Variants in RBMS3 observed in about 807,000 individuals in gnomAD.
RBMS3 encodes RNA-binding motif, single-stranded-interacting protein 3.
Under a neutral mutation model 66.8 loss-of-function variants are expected in RBMS3, and 27 were observed. The ratio of observed to expected loss-of-function variants is 0.40; its 90% CI spans 0.30 to 0.56. The LOEUF (loss-of-function observed/expected upper bound fraction) is 0.56. Among genes scored for constraint, RBMS3 ranks in the 20% least tolerant of loss-of-function variants. The probability of loss-of-function intolerance (pLI) is 0.40; values close to 1 mark genes in which losing one functional copy is unlikely to be tolerated. For synonymous variants in RBMS3, 188 were observed against 183.0 expected (o/e 1.03, Z -0.22); for missense variants, 513 against 549.5 (o/e 0.93, Z 0.66).
chr3:29,736,449 T>C (rs111450985), intron 4 of RBMS3, among the ~76,000 whole-genome samples: 2,536 of 152,328 alleles, frequency 0.017, 51 homozygotes, highest in Middle Eastern at 0.044. Context: ...TTGGAAATGA[T>C]TTTGAATTTG....
intron 1 of RBMS3, among the ~76,000 whole-genome samples, chr3:29,339,232 G>A (rs368299709): frequency 2.6e-5 from 4 of 152,166 alleles, no homozygotes; most frequent in Non-Finnish European, 4.4e-5. Context: ...TGTTTTCACC[G>A]ACACTAAATT....
intron 1 of RBMS3, among the ~76,000 whole-genome samples, chr3:29,411,482 G>A (rs552755186): frequency 7.9e-5 from 12 of 152,184 alleles, no homozygotes; most frequent in African/African-American, 2.2e-4. Context: ...TCAGATTAGC[G>A]CCTGTTTTCC....
intron 3 of RBMS3, among the ~76,000 whole-genome samples, chr3:29,568,431 T>C (rs1003241335): frequency 5.3e-5 from 8 of 152,230 alleles, no homozygotes; most frequent in Non-Finnish European, 7.3e-5. Context: ...TCTTAGAATG[T>C]ATTTAAAACA....
At chr3:29,496,195 CAAAA>C (rs60639896) in intron 3 of RBMS3, among the ~76,000 whole-genome samples, 2,284 of 110,472 alleles carry the variant, frequency 0.021, 31 homozygotes, top group Middle Eastern at 0.034. Context: ...CCGCCCACAT[CAAAA>C]AAAAAAAAAA....
At chr3:29,669,922 C>T (rs912176733) in intron 4 of RBMS3, among the ~76,000 whole-genome samples, 2 of 152,172 alleles carry the variant, frequency 1.3e-5, no homozygotes, top group Admixed American at 1.3e-4. Context: ...ATAAATCTTA[C>T]ACTGGTGTCC....
At chr3:29,868,585 C>A (rs2059416122) in intron 6 of RBMS3, among the ~76,000 whole-genome samples, 1 of 152,130 alleles carries the variant, frequency 6.6e-6, no homozygotes, top group Non-Finnish European at 1.5e-5. Context: ...GTGCTTGCCT[C>A]TTTACTTCTA....
At chr3:29,507,299 T>C (rs2044219467) in intron 3 of RBMS3, among the ~76,000 whole-genome samples, 1 of 151,998 alleles carries the variant, frequency 6.6e-6, no homozygotes, top group Admixed American at 6.6e-5. Flanking sequence ...AGAAATAATG[T>C]TTTAGGAATA....
intron 4 of RBMS3, among the ~76,000 whole-genome samples, chr3:29,640,367 C>G (rs9838725): frequency 0.044 from 6,709 of 151,672 alleles, 422 homozygotes; most frequent in East Asian, 0.32. Context: ...CATATATTAC[C>G]TGCATAACAA....
chr3:29,385,440 T>A (rs2038969932), intron 1 of RBMS3, among the ~76,000 whole-genome samples: 1 of 152,198 alleles, frequency 6.6e-6, no homozygotes, highest in Non-Finnish European at 1.5e-5. Flanking sequence ...TTCACTGTTT[T>A]ACTCAAATTC....
At chr3:29,821,868 T>C (rs1413174063) in intron 6 of RBMS3, among the ~76,000 whole-genome samples, 1 of 152,154 alleles carries the variant, frequency 6.6e-6, no homozygotes, top group Non-Finnish European at 1.5e-5. Flanking sequence ...CAGATTCTGA[T>C]GGAAAGTGTA....
intron 4 of RBMS3, among the ~76,000 whole-genome samples, chr3:29,721,122 A>T (rs1188639329): frequency 6.6e-6 from 1 of 152,310 alleles, no homozygotes; most frequent in East Asian, 1.9e-4. Context: ...ATTATCTATG[A>T]TACTAAATTA....
intron 2 of RBMS3, among the ~76,000 whole-genome samples, chr3:29,482,708 T>TTC (rs1475931216): frequency 0.054 from 6,388 of 118,798 alleles, 292 homozygotes; most frequent in Admixed American, 0.095. Flanking sequence ...TTTCTTTTTT[T>TTC]TTTTTTTTTT....
chr3:29,343,579 G>GAA (rs1271607410), intron 1 of RBMS3, among the ~76,000 whole-genome samples: 1 of 150,562 alleles, frequency 6.6e-6, no homozygotes, highest in Non-Finnish European at 1.5e-5. Flanking sequence ...TCAAATCACA[G>GAA]AAAAAAAAAT....
At chr3:29,610,985 G>A (rs953709529) in intron 4 of RBMS3, among the ~76,000 whole-genome samples, 1 of 151,910 alleles carries the variant, frequency 6.6e-6, no homozygotes, top group African/African-American at 2.4e-5. Flanking sequence ...AGTCTTTGGT[G>A]CAGACATGTC....
intron 1 of RBMS3, among the ~76,000 whole-genome samples, chr3:29,352,383 A>G (rs762730564): frequency 2.0e-5 from 3 of 151,992 alleles, no homozygotes; most frequent in African/African-American, 4.8e-5. Context: ...ATTTTATGGT[A>G]TGTGGTTGAA....
intron 12 of RBMS3, among the ~76,000 whole-genome samples, chr3:29,987,626 G>GA (rs1412780112): frequency 3.3e-5 from 5 of 152,094 alleles, no homozygotes; most frequent in Non-Finnish European, 1.5e-5. Context: ...ATGCAAAAAT[G>GA]AAAAAATGAC....
intron 1 of RBMS3, among the ~76,000 whole-genome samples, chr3:29,412,591 T>C (rs1214656334): frequency 6.6e-6 from 1 of 152,200 alleles, no homozygotes; most frequent in Non-Finnish European, 1.5e-5. Flanking sequence ...ACTTTTATGG[T>C]AAAATTCACC....
chr3:29,395,340 G>A (rs951896148), intron 1 of RBMS3, among the ~76,000 whole-genome samples: 3 of 152,180 alleles, frequency 2.0e-5, no homozygotes, highest in Non-Finnish European at 4.4e-5. Context: ...TGTGTTTTAT[G>A]TATGTATTTG....
At chr3:29,641,669 T>C (rs1424362536) in intron 4 of RBMS3, among the ~76,000 whole-genome samples, 1 of 152,110 alleles carries the variant, frequency 6.6e-6, no homozygotes, top group Non-Finnish European at 1.5e-5. Context: ...TTTTTTTCTC[T>C]CTTGTATACT....
Sources: gnomAD v4.1 joint callset for allele counts (sites outside exome capture counted in the v4.1 genomes callset) on GRCh38, gnomAD v4.1.1 for gene constraint, MANE v1.5 for transcripts, NCBI Gene and HGNC (gene_info 2026-07-23, HGNC 2026-07-21) for gene names.